HHAT: variants seen among roughly 807,000 people sequenced by gnomAD.
HHAT encodes the protein hedgehog acyltransferase.
Under a neutral mutation model 70.8 loss-of-function variants are expected in HHAT, and 47 were observed. That is an observed-to-expected ratio of 0.66 (90% CI 0.53 to 0.85). The LOEUF (loss-of-function observed/expected upper bound fraction) is 0.85, where lower values mean the gene tolerates loss of function less well. HHAT is among the 40% of genes least tolerant of loss of function. HHAT has a pLI of 0.00. For synonymous variants in HHAT, 228 were observed against 247.6 expected (o/e 0.92, Z 0.74); for missense variants, 609 against 604.8 (o/e 1.01, Z -0.07).
rs1162957985 is a variant in HHAT, at chr1:210,340,111, G to A, written c.-43-8822G>A. ...TTCCAGCAGTTTGGGAGGCTGCGGCGGGAGGATCACTCGAGGCCAGGAGTT... is the reference window on the plus strand; with the variant it reads ...TTCCAGCAGTTTGGGAGGCTGCGGCAGGAGGATCACTCGAGGCCAGGAGTT... On this transcript the variant is annotated intron_variant, in intron 1 of 11. Transcript: ENST00000261458. Among the ~76,000 whole-genome samples, 9 of 152,010 alleles carry A rather than the reference G, an allele frequency of 5.9e-5. 2 individuals are homozygous for A. In the South Asian group the frequency reaches 1.9e-3, roughly 32 times the overall value.
chr1:210,348,876 T>G (rs538757833), intron 1 of HHAT, 57 bp from the exon 2 acceptor site: 6 of 1,511,566 alleles, frequency 4.0e-6, no homozygotes, highest in Non-Finnish European at 5.3e-6. Flanking sequence ...AATTGATGTT[T>G]AGATGCTGTT....
intron 3 of HHAT, among the ~76,000 whole-genome samples, chr1:210,382,771 G>A (rs1374753978): frequency 6.6e-6 from 1 of 152,070 alleles, no homozygotes; most frequent in African/African-American, 2.4e-5. Flanking sequence ...TTGTGGTTAC[G>A]GGGCATAAAT....
At chr1:210,422,629 C>G (rs1486333795) in intron 7 of HHAT, among the ~76,000 whole-genome samples, 6 of 151,862 alleles carry the variant, frequency 4.0e-5, no homozygotes, top group African/African-American at 7.3e-5. Context: ...GTAAAAATAC[C>G]ACATTTTCTT....
chr1:210,452,322 A>T (rs914147222), intron 7 of HHAT, among the ~76,000 whole-genome samples: 1 of 152,198 alleles, frequency 6.6e-6, no homozygotes, highest in Non-Finnish European at 1.5e-5. Flanking sequence ...CATGCATTCA[A>T]TTGGTAGTGA....
chr1:210,491,845 C>T (rs1300083115), intron 8 of HHAT, among the ~76,000 whole-genome samples: 1 of 152,174 alleles, frequency 6.6e-6, no homozygotes, highest in South Asian at 2.1e-4. Flanking sequence ...TCACTGCAAC[C>T]TCCACCTCCT....
At chr1:210,397,250 A>G (rs1317385728) in intron 4 of HHAT, among the ~76,000 whole-genome samples, 1 of 152,256 alleles carries the variant, frequency 6.6e-6, no homozygotes, top group African/African-American at 2.4e-5. Context: ...TCTGTAAATC[A>G]GAAACATCAC....
In HHAT at chr1:210,475,262, G is replaced by A. The variant is rs545663005; in HGVS notation, c.1007+10607G>A. ...GGCTTACCTTGCCATCCATCATGCT[G>A]TACCTTATCCTGGTTTTCTGGCCTT... is the stretch of plus-strand genomic sequence containing the variant. On this transcript the variant is annotated intron_variant, in intron 8 of 11. Coordinates refer to ENST00000261458, the MANE Select transcript of HHAT (RefSeq NM_018194.6). Among the ~76,000 whole-genome samples the A allele has an allele frequency of 1.8e-3, 277 of 152,246 alleles. 3 individuals carry two copies. The highest frequency in any genetic ancestry group is 6.3e-3 in the African/African-American group (263 of 41,556).
intron 3 of HHAT, among the ~76,000 whole-genome samples, chr1:210,372,096 T>C (rs1331266537): frequency 6.6e-6 from 1 of 152,228 alleles, no homozygotes; most frequent in Non-Finnish European, 1.5e-5. Flanking sequence ...CTAGCTTTAA[T>C]ATGGCTGATG....
intron 11 of HHAT, among the ~76,000 whole-genome samples, chr1:210,659,448 C>G (rs1677165108): frequency 6.6e-6 from 1 of 151,038 alleles, no homozygotes; most frequent in Non-Finnish European, 1.5e-5. Context: ...AATAGCCTCC[C>G]AACCAAAAAA....
chr1:210,500,141 A>G (rs2094725586), intron 8 of HHAT, among the ~76,000 whole-genome samples: 1 of 152,200 alleles, frequency 6.6e-6, no homozygotes, highest in South Asian at 2.1e-4. Context: ...ATGTTCAACT[A>G]TTCTGAGAGG....
At chr1:210,558,016 T>C (rs141282003) in intron 9 of HHAT, among the ~76,000 whole-genome samples, 63 of 152,318 alleles carry the variant, frequency 4.1e-4, no homozygotes, top group African/African-American at 1.3e-3. Context: ...GAAAAGTGGC[T>C]ACACTTTAAA....
intron 7 of HHAT, 46 bp downstream of exon 7, chr1:210,418,371 A>G: frequency 6.6e-7 from 1 of 1,520,626 alleles, no homozygotes; most frequent in Non-Finnish European, 8.9e-7. Flanking sequence ...CAATAGTCCA[A>G]CAGTTAGCAT....
At chr1:210,565,496 G>A (rs995986368) in intron 9 of HHAT, among the ~76,000 whole-genome samples, 1 of 152,200 alleles carries the variant, frequency 6.6e-6, no homozygotes, top group African/African-American at 2.4e-5. Context: ...TTCCTAGTCT[G>A]TTCTTCATTA....
At chr1:210,494,608 A>G (rs61828077) in intron 8 of HHAT, among the ~76,000 whole-genome samples, 28,749 of 135,246 alleles carry the variant, frequency 0.21, 3,747 homozygotes, top group Middle Eastern at 0.31. Flanking sequence ...CTGGAGTGCA[A>G]TGGTGCAGTC....
chr1:210,485,080 T>A (rs2094454222), intron 8 of HHAT, among the ~76,000 whole-genome samples: 1 of 152,080 alleles, frequency 6.6e-6, no homozygotes, highest in South Asian at 2.1e-4. Flanking sequence ...GTGTCTTGCC[T>A]CGTGTTGAGC....
chr1:210,417,828 G>A (rs1167645239), intron 6 of HHAT, among the ~76,000 whole-genome samples: 1 of 152,134 alleles, frequency 6.6e-6, no homozygotes, highest in Non-Finnish European at 1.5e-5. Flanking sequence ...TCCCAGTGGG[G>A]AAAATACACT....
At chr1:210,383,310 G>A (rs992051609) in intron 3 of HHAT, among the ~76,000 whole-genome samples, 12 of 151,176 alleles carry the variant, frequency 7.9e-5, no homozygotes, top group African/African-American at 2.7e-4. Context: ...ATTGCACTCC[G>A]GCCTGGGCAG....
intron 9 of HHAT, among the ~76,000 whole-genome samples, chr1:210,577,662 TTTCG>T (rs1658191686): frequency 1.5e-5 from 2 of 129,658 alleles, no homozygotes; most frequent in South Asian, 5.1e-4. Flanking sequence ...TTTTTTTTTT[TTTCG>T]AAATGGAGTC....
At chr1:210,548,362 A>AT (rs2095501636) in intron 9 of HHAT, among the ~76,000 whole-genome samples, 4 of 152,248 alleles carry the variant, frequency 2.6e-5, no homozygotes, top group Admixed American at 2.6e-4. Context: ...CTGCTTTAAA[A>AT]TGTTGTATCC....
Sources: gnomAD v4.1 joint callset for allele counts (sites outside exome capture counted in the v4.1 genomes callset) on GRCh38, gnomAD v4.1.1 for gene constraint, MANE v1.5 for transcripts, NCBI Gene and HGNC (gene_info 2026-07-23, HGNC 2026-07-21) for gene names.